PTPN12: variants seen among roughly 807,000 people sequenced by gnomAD.
PTPN12 encodes protein tyrosine phosphatase non-receptor type 12.
In PTPN12, 29 loss-of-function variants were observed where a neutral mutation model predicts 97.6. The ratio of observed to expected loss-of-function variants is 0.30; its 90% CI spans 0.22 to 0.41. PTPN12 has a LOEUF of 0.41. Ranked by LOEUF, PTPN12 falls within the 10% of genes least tolerant of loss-of-function variation. The pLI, the probability that PTPN12 is intolerant of heterozygous loss-of-function variation, is 1.00. For missense variants in PTPN12, 819 were observed against 926.0 expected, an observed-to-expected ratio of 0.88 and a Z score of 1.50; for synonymous variants, 327 against 300.4, an observed-to-expected ratio of 1.09 and a Z score of -0.91.
rs1423699053 is a variant in PTPN12, at chr7:77,628,117, A to G, written c.1996+442A>G. ...CATTTTTTACTGTTCCTTTAACTAC[A>G]GATTACATTTTTTTGTTTGTTTGTT... On this transcript the variant is annotated intron_variant, in intron 13 of 17. Transcript: ENST00000248594. Among the ~76,000 whole-genome samples, 3 of 152,196 alleles carry G rather than the reference A, an allele frequency of 2.0e-5. No homozygotes were observed. In the East Asian group the frequency reaches 5.8e-4, roughly 29 times the overall value.
At chr7:77,545,869 C>G (rs1807192765) in intron 1 of PTPN12, 1 of 152,094 alleles carries the variant, frequency 6.6e-6, no homozygotes, top group Non-Finnish European at 1.5e-5. Context: ...TGAATGAAAT[C>G]TTGCTTATCT....
chr7:77,550,181 G>A (rs1309262944), intron 1 of PTPN12, among the ~76,000 whole-genome samples: 2 of 152,036 alleles, frequency 1.3e-5, no homozygotes, highest in Non-Finnish European at 1.5e-5. Flanking sequence ...TCAGTCAGTT[G>A]GTTGTCTGTG....
At chr7:77,552,366 AATTTCTTGTC>A (rs1213619913) in intron 1 of PTPN12, among the ~76,000 whole-genome samples, 4 of 151,764 alleles carry the variant, frequency 2.6e-5, no homozygotes, top group African/African-American at 9.7e-5. Context: ...CAATACATTT[AATTTCTTGTC>A]ATTGCTTTAT....
chr7:77,632,187 A>G (rs1789421351), intron 13 of PTPN12, among the ~76,000 whole-genome samples, 161 bp from the exon 14 acceptor site: 1 of 152,252 alleles, frequency 6.6e-6, no homozygotes, highest in African/African-American at 2.4e-5. Flanking sequence ...AATAAGCATC[A>G]TAATTCTTGA....
chr7:77,633,213 T>A (rs545255362), intron 14 of PTPN12, among the ~76,000 whole-genome samples: 92 of 150,868 alleles, frequency 6.1e-4, no homozygotes, highest in African/African-American at 2.2e-3. Context: ...GATATTGCAG[T>A]GAGCCGAGAT....
intron 5 of PTPN12, among the ~76,000 whole-genome samples, chr7:77,587,686 C>G (rs57394986): frequency 0.24 from 36,966 of 152,122 alleles, 4,754 homozygotes; most frequent in Non-Finnish European, 0.28. Context: ...ACGTTGACTT[C>G]TTTTCTCTAG....
In PTPN12 at chr7:77,627,509, A is replaced by G. The variant is rs1309798441; in HGVS notation, c.1830A>G (p.Glu610=). The G allele has an allele frequency of 6.2e-7, 1 of 1,614,042 alleles. No individual in the cohort carries two copies. The highest frequency in any genetic ancestry group is 2.2e-5 in the East Asian group (1 of 44,886). The change falls in exon 13 of 18, where the codon GAA becomes GAG. Residue 610 remains glutamate (E), a synonymous_variant. Coordinates refer to ENST00000248594, the MANE Select transcript of PTPN12 (RefSeq NM_002835.4). ...PLHSDDSDSD[E]RNSDGAVTQN... ...ACTCTGATGACTCAGACTCAGATGA[A>G]AGAAACTCTGATGGTGCTGTGACCC...
At chr7:77,634,077 G>T (rs535412450) in intron 14 of PTPN12, among the ~76,000 whole-genome samples, 4 of 152,096 alleles carry the variant, frequency 2.6e-5, no homozygotes, top group Non-Finnish European at 5.9e-5. Flanking sequence ...GCATGTGCCT[G>T]TAGTCCTTGC....
At chr7:77,553,302 C>G (rs1807560955) in intron 1 of PTPN12, among the ~76,000 whole-genome samples, 1 of 152,158 alleles carries the variant, frequency 6.6e-6, no homozygotes, top group Non-Finnish European at 1.5e-5. Context: ...CATTATATAT[C>G]CAGTTGATTG....
At chr7:77,557,231 T>C (rs1807762488) in intron 1 of PTPN12, among the ~76,000 whole-genome samples, 1 of 152,198 alleles carries the variant, frequency 6.6e-6, no homozygotes, top group Non-Finnish European at 1.5e-5. Context: ...CCTCCCAGAG[T>C]ACTTGGATTA....
At chr7:77,548,499 T>C (rs552768520) in intron 1 of PTPN12, among the ~76,000 whole-genome samples, 2 of 152,298 alleles carry the variant, frequency 1.3e-5, no homozygotes, top group South Asian at 4.1e-4. Context: ...TAAAAACTGT[T>C]TAGAAATTAA....
chr7:77,637,804 C>G (rs1282702654), intron 16 of PTPN12, among the ~76,000 whole-genome samples: 1 of 135,096 alleles, frequency 7.4e-6, no homozygotes, highest in Non-Finnish European at 1.5e-5. Flanking sequence ...TTGCAGTGCG[C>G]CGAGATTGCG....
intron 1 of PTPN12, among the ~76,000 whole-genome samples, chr7:77,540,383 G>T (rs1199663275): frequency 6.6e-6 from 1 of 151,406 alleles, no homozygotes; most frequent in African/African-American, 2.4e-5. Context: ...GATTACAGGC[G>T]CATGCCACCA....
At chr7:77,620,123 G>C (rs922156358) in intron 12 of PTPN12, among the ~76,000 whole-genome samples, 2 of 152,166 alleles carry the variant, frequency 1.3e-5, no homozygotes, top group African/African-American at 4.8e-5. Context: ...TTTGGTTTTT[G>C]AGATTGAGCC....
chr7:77,584,502 G>T (rs143308541), intron 4 of PTPN12, among the ~76,000 whole-genome samples: 442 of 152,290 alleles, frequency 2.9e-3, no homozygotes, highest in African/African-American at 9.8e-3. Context: ...CAAACTCGGA[G>T]AATGTTCACT....
rs868336362 is a variant in PTPN12 at position 77,537,455 on chromosome 7, G to A, written c.-92G>A. The A allele has an allele frequency of 1.7e-3, 2,523 of 1,445,224 alleles. 1 individual carries two copies. Among genetic ancestry groups the A allele is most frequent in the Non-Finnish European group, 2.1e-3 (2,324 of 1,094,632 alleles). The allele number at this position is 1,445,224 out of a possible 1,614,324, so 89.5% of individuals were successfully genotyped here. On this transcript the variant is annotated 5_prime_UTR_variant, in exon 1 of 18. Transcript: ENST00000248594. ...CGGGGTCGGGAGGGAGGGACGTGCT[G>A]GGGGAACGAGCTGGGGAAGACGGAG...
chr7:77,635,075 C>T (rs971824679), intron 14 of PTPN12, among the ~76,000 whole-genome samples: 4 of 151,804 alleles, frequency 2.6e-5, no homozygotes, highest in African/African-American at 9.7e-5. Flanking sequence ...GAACTCCTGA[C>T]CTCAAGTGAT....
rs554560290 is a variant in PTPN12 at position 77,607,140 on chromosome 7, A to AT, written c.696-89dup. 3.1e-4 allele frequency: 317 copies of AT among 1,010,944 alleles called. No individual in the cohort carries two copies. The African/African-American group carries it at 4.4e-3, about 14-fold the overall frequency. The allele number at this position is 1,010,944 out of a possible 1,614,324, so 62.6% of individuals were successfully genotyped here. A position where few individuals can be genotyped will look rare whatever the true frequency, so the allele number is the denominator to read the frequency against. On this transcript the variant is annotated intron_variant, in intron 8 of 17. Coordinates refer to ENST00000248594, the MANE Select transcript of PTPN12 (RefSeq NM_002835.4). ...AGAATTTTGTCAAACTTCTTAAATG[A>AT]TTTTTTGTTTCTGAATATTAACATG...
chr7:77,631,331 A>G (rs535404078), intron 13 of PTPN12, among the ~76,000 whole-genome samples: 38 of 152,292 alleles, frequency 2.5e-4, no homozygotes, highest in African/African-American at 8.7e-4. Flanking sequence ...GGCAAAAGCA[A>G]TCATACTCAC....
Sources: gnomAD v4.1 joint callset for allele counts (sites outside exome capture counted in the v4.1 genomes callset) on GRCh38, gnomAD v4.1.1 for gene constraint, MANE v1.5 for transcripts, NCBI Gene and HGNC (gene_info 2026-07-23, HGNC 2026-07-21) for gene names.